The following FBXL13 variants were observed in gnomAD, a reference collection of about 807,000 sequenced individuals.
FBXL13 encodes the protein F-box and leucine-rich repeat protein 13.
A neutral mutation model predicts 83.6 loss-of-function variants in FBXL13; 67 were observed. That is an observed-to-expected ratio of 0.80 (90% confidence interval 0.66 to 0.98). The LOEUF (loss-of-function observed/expected upper bound fraction) is 0.98. Among genes scored for constraint, FBXL13 ranks in the 50% least tolerant of loss-of-function variants. FBXL13 has a pLI of 0.00. For missense variants in FBXL13, 822 were observed against 866.5 expected (o/e 0.95, Z 0.64); for synonymous variants, 272 against 299.5 (o/e 0.91, Z 0.95).
chr7:102,962,502 G>T (rs936752848), intron 8 of FBXL13, among the ~76,000 whole-genome samples: 2 of 152,082 alleles, frequency 1.3e-5, no homozygotes, highest in African/African-American at 4.8e-5. Flanking sequence ...CAAAGGACTA[G>T]AAATCATGCT....
At chr7:102,953,293 A>G (rs1585108438) in intron 8 of FBXL13, among the ~76,000 whole-genome samples, 1 of 152,322 alleles carries the variant, frequency 6.6e-6, no homozygotes, top group East Asian at 1.9e-4. Context: ...TATTAAAAGG[A>G]TTATACACCA....
rs140687969 is a variant in FBXL13 at position 103,042,296 on chromosome 7, A to T, written c.1-12878T>A. Among the ~76,000 whole-genome samples the T allele has an allele frequency of 1.7e-3, 265 of 152,368 alleles. 10 individuals are homozygous for T. The East Asian group carries it at 0.049, about 28-fold the overall frequency. ...GTGAAGGACCTCTTCAAGGAGAACT[A>T]CAAACTACTGCTCAACACAATAAAA... On this transcript the variant is annotated intron_variant, in intron 2 of 19. Coordinates refer to ENST00000313221, the Ensembl canonical transcript of FBXL13.
chr7:102,931,957 A>G (rs1819259375), intron 8 of FBXL13, 24 bp from the exon 10 acceptor site: 1 of 1,608,406 alleles, frequency 6.2e-7, no homozygotes, highest in South Asian at 1.1e-5. Context: ...GTTACACGTC[A>G]CTAAACTACA....
At chr7:102,958,915 A>C (rs1824734060) in intron 8 of FBXL13, among the ~76,000 whole-genome samples, 1 of 152,086 alleles carries the variant, frequency 6.6e-6, no homozygotes, top group Non-Finnish European at 1.5e-5. Flanking sequence ...AAATTAAAAG[A>C]CGTATTAATA....
At chr7:103,033,043 C>T (rs376062334) in intron 2 of FBXL13, among the ~76,000 whole-genome samples, 2 of 152,058 alleles carry the variant, frequency 1.3e-5, no homozygotes, top group Admixed American at 6.5e-5. Context: ...GTCTGTCTGT[C>T]TCTGTCTCTC....
chr7:103,036,219 CA>C (rs1460687450), intron 2 of FBXL13, among the ~76,000 whole-genome samples: 11 of 152,278 alleles, frequency 7.2e-5, no homozygotes, highest in Non-Finnish European at 1.3e-4. Flanking sequence ...ATTTCTTCCA[CA>C]AAACCAGTCT....
intron 7 of FBXL13, among the ~76,000 whole-genome samples, chr7:102,967,115 G>T (rs578021810): frequency 6.7e-6 from 1 of 150,056 alleles, no homozygotes; most frequent in South Asian, 2.1e-4. Context: ...GACTACAGGC[G>T]CACGCTACCA....
At chr7:102,944,343 T>A (rs373742877) in intron 8 of FBXL13, 1 of 1,614,000 alleles carries the variant, frequency 6.2e-7, no homozygotes, top group Non-Finnish European at 8.5e-7. Flanking sequence ...CTTGGAGATG[T>A]GACTACAACA....
chr7:102,964,781 T>C (rs1825802360), intron 7 of FBXL13, among the ~76,000 whole-genome samples: 1 of 152,194 alleles, frequency 6.6e-6, no homozygotes, highest in African/African-American at 2.4e-5. Flanking sequence ...GATGTAATCA[T>C]ACATGTATAC....
intron 8 of FBXL13, among the ~76,000 whole-genome samples, chr7:102,939,186 T>C (rs1314737141): frequency 6.6e-6 from 1 of 152,220 alleles, no homozygotes; most frequent in Non-Finnish European, 1.5e-5. Context: ...TTAATGGCTT[T>C]ATAGGGCCTT....
At chr7:102,893,627 G>A (rs147350203) in intron 11 of FBXL13, among the ~76,000 whole-genome samples, 2 of 152,036 alleles carry the variant, frequency 1.3e-5, no homozygotes, top group Non-Finnish European at 2.9e-5. Context: ...AATTAGCCAG[G>A]TGTGGTGGCG....
chr7:102,992,930 C>T (rs1829732493), intron 6 of FBXL13, among the ~76,000 whole-genome samples: 2 of 152,108 alleles, frequency 1.3e-5, no homozygotes, highest in Admixed American at 6.5e-5. Context: ...ACAGAGACAG[C>T]GATTAAGACT....
At chr7:102,843,768 T>TC (rs1803438425) in intron 17 of FBXL13, among the ~76,000 whole-genome samples, 1 of 152,118 alleles carries the variant, frequency 6.6e-6, no homozygotes, top group South Asian at 2.1e-4. Flanking sequence ...AGAGCGAGAC[T>TC]CCGTCTTAAT....
intron 6 of FBXL13, among the ~76,000 whole-genome samples, chr7:103,015,156 A>G (rs1792135900): frequency 6.6e-6 from 1 of 152,148 alleles, no homozygotes; most frequent in Admixed American, 6.6e-5. Flanking sequence ...CTTCATGTTA[A>G]AAACCCTCAA....
intron 6 of FBXL13, among the ~76,000 whole-genome samples, chr7:102,971,312 T>A (rs550879557): frequency 6.6e-6 from 1 of 152,198 alleles, no homozygotes; most frequent in South Asian, 2.1e-4. Context: ...ATTAAGACAT[T>A]TTTGGCTGAG....
At chr7:102,825,394 G>A (rs138608933) in intron 18 of FBXL13, among the ~76,000 whole-genome samples, 257 of 152,264 alleles carry the variant, frequency 1.7e-3, no homozygotes, top group African/African-American at 6.0e-3. Flanking sequence ...CCCTTGCCAT[G>A]CGATTCCCTG....
chr7:103,039,337 A>AAT (rs1795412561), intron 2 of FBXL13, among the ~76,000 whole-genome samples: 1 of 152,274 alleles, frequency 6.6e-6, no homozygotes, highest in South Asian at 2.1e-4. Flanking sequence ...AGACCAAATA[A>AAT]ATATACATTT....
intron 19 of FBXL13, among the ~76,000 whole-genome samples, chr7:102,819,278 T>C (rs1482933656): frequency 6.6e-6 from 1 of 152,168 alleles, no homozygotes; most frequent in Non-Finnish European, 1.5e-5. Flanking sequence ...CTGATCATAG[T>C]TGTTACTTAT....
intron 18 of FBXL13, among the ~76,000 whole-genome samples, chr7:102,824,866 T>A (rs1799362414): frequency 6.6e-6 from 1 of 151,448 alleles, no homozygotes; most frequent in South Asian, 2.1e-4. Flanking sequence ...TCAAGCTGTC[T>A]TCTTGCCGTA....
Sources: gnomAD v4.1 joint callset for allele counts (sites outside exome capture counted in the v4.1 genomes callset) on GRCh38, gnomAD v4.1.1 for gene constraint, MANE v1.5 for transcripts, NCBI Gene and HGNC (gene_info 2026-07-23, HGNC 2026-07-21) for gene names.